PRKN: variants seen among roughly 807,000 people sequenced by gnomAD.
PRKN encodes parkin RBR E3 ubiquitin protein ligase.
Under a neutral mutation model 59.5 loss-of-function variants are expected in PRKN, and 56 were observed. The observed-to-expected ratio is 0.94, with a 90% CI of 0.76 to 1.18. The LOEUF is 1.18. PRKN is among the 50% of genes most tolerant of loss of function. The probability of loss-of-function intolerance (pLI) is 0.00; values close to 1 mark genes in which losing one functional copy is unlikely to be tolerated. For synonymous variants in PRKN, 250 were observed against 222.1 expected (o/e 1.13, Z -1.12); for missense variants, 657 against 596.4 (o/e 1.10, Z -1.06).
At chr6:161,833,163 GC>G (rs1792581978) in intron 6 of PRKN, among the ~76,000 whole-genome samples, 1 of 152,072 alleles carries the variant, frequency 6.6e-6, no homozygotes, top group Non-Finnish European at 1.5e-5. Context: ...CACTCTAAGA[GC>G]CCCCTTTTCT....
At chr6:161,443,193 C>T (rs1789325421) in intron 9 of PRKN, among the ~76,000 whole-genome samples, 1 of 151,834 alleles carries the variant, frequency 6.6e-6, no homozygotes, top group Non-Finnish European at 1.5e-5. Flanking sequence ...GCCTGTAATC[C>T]CAGCTACTTG....
chr6:161,430,705 C>T (rs985221724), intron 9 of PRKN, among the ~76,000 whole-genome samples: 2 of 148,868 alleles, frequency 1.3e-5, no homozygotes, highest in African/African-American at 2.5e-5. Flanking sequence ...GTCCCAGCTA[C>T]TCGGGAGGCT....
chr6:162,515,424 T>G (rs1239695279), intron 1 of PRKN, among the ~76,000 whole-genome samples: 1 of 138,456 alleles, frequency 7.2e-6, no homozygotes, highest in Admixed American at 7.1e-5. Context: ...GAATTCAAAT[T>G]ATATTAGTAA....
At chr6:161,772,413 C>T (rs1789733505) in intron 7 of PRKN, among the ~76,000 whole-genome samples, 1 of 152,152 alleles carries the variant, frequency 6.6e-6, no homozygotes, top group African/African-American at 2.4e-5. Flanking sequence ...GAGCGGCTCT[C>T]TGGCTGCTGT....
At chr6:162,649,374 T>C (rs1010042673) in intron 1 of PRKN, among the ~76,000 whole-genome samples, 1 of 152,090 alleles carries the variant, frequency 6.6e-6, no homozygotes, top group Non-Finnish European at 1.5e-5. Context: ...AAGGGTGAAA[T>C]AGGATACTGG....
intron 1 of PRKN, among the ~76,000 whole-genome samples, chr6:162,448,808 CTT>C (rs948553673): frequency 6.6e-6 from 1 of 151,636 alleles, no homozygotes. Flanking sequence ...TTCTCTTTCT[CTT>C]TCTTTCTCTT....
At chr6:161,714,813 C>T (rs767480461) in intron 7 of PRKN, among the ~76,000 whole-genome samples, 2 of 152,074 alleles carry the variant, frequency 1.3e-5, no homozygotes, top group East Asian at 1.9e-4. Flanking sequence ...AGGACAGAAC[C>T]GGTGAGAGAT....
intron 4 of PRKN, among the ~76,000 whole-genome samples, chr6:162,059,171 C>A (rs542056972): frequency 8.8e-4 from 134 of 152,212 alleles, no homozygotes; most frequent in African/African-American, 3.2e-3. Context: ...CCCGTAATTG[C>A]CACATCAGGT....
intron 1 of PRKN, among the ~76,000 whole-genome samples, chr6:162,650,051 G>A (rs1006551010): frequency 2.8e-4 from 43 of 152,082 alleles, no homozygotes; most frequent in African/African-American, 9.9e-4. Context: ...ACTCTCAAGC[G>A]GCCATTTATC....
intron 5 of PRKN, among the ~76,000 whole-genome samples, chr6:162,024,194 CTTTT>C (rs111595639): frequency 1.2e-5 from 1 of 82,060 alleles, no homozygotes; most frequent in African/African-American, 5.0e-5. Context: ...TCCCCCAACC[CTTTT>C]TTTTTTTTTT....
chr6:161,775,005 A>G (rs1789860948), intron 7 of PRKN, among the ~76,000 whole-genome samples: 1 of 152,104 alleles, frequency 6.6e-6, no homozygotes, highest in Non-Finnish European at 1.5e-5. Context: ...CCATTTTCAC[A>G]GTGGCAATTA....
At chr6:161,680,765 A>ATTTTTT (rs1562604015) in intron 7 of PRKN, among the ~76,000 whole-genome samples, 5 of 10,886 alleles carry the variant, frequency 4.6e-4, no homozygotes, top group African/African-American at 1.4e-3. Context: ...ATATATATAT[A>ATTTTTT]TATATATATA....
intron 4 of PRKN, among the ~76,000 whole-genome samples, chr6:162,157,419 A>G (rs2156266): frequency 0.014 from 2,197 of 151,924 alleles, 48 homozygotes; most frequent in African/African-American, 0.043. Context: ...TGTTCTGTTC[A>G]TGCCTCATTT....
At chr6:162,609,361 TC>T (rs1409643713) in intron 1 of PRKN, among the ~76,000 whole-genome samples, 7 of 152,156 alleles carry the variant, frequency 4.6e-5, no homozygotes, top group African/African-American at 1.7e-4. Flanking sequence ...GACATTTGAC[TC>T]AAAAATATTT....
chr6:161,512,440 C>T (rs62436448), intron 9 of PRKN, among the ~76,000 whole-genome samples: 3,284 of 152,162 alleles, frequency 0.022, 50 homozygotes, highest in Middle Eastern at 0.037. Context: ...TAAATTCATG[C>T]GGAGAAGTAT....
intron 1 of PRKN, among the ~76,000 whole-genome samples, chr6:162,673,594 C>T (rs1474385031): frequency 6.6e-6 from 1 of 152,156 alleles, no homozygotes; most frequent in Non-Finnish European, 1.5e-5. Context: ...CCATGTTGCC[C>T]AGGCTGATCT....
At chr6:161,537,474 T>C (rs1335769030) in intron 9 of PRKN, among the ~76,000 whole-genome samples, 1 of 151,570 alleles carries the variant, frequency 6.6e-6, no homozygotes, top group Non-Finnish European at 1.5e-5. Flanking sequence ...TTTTTTGAGA[T>C]GGATTCTTGC....
In PRKN at chr6:162,215,469, T is replaced by C. The variant is rs145737921; in HGVS notation, c.413-14217A>G. Among the ~76,000 whole-genome samples, 56 of 152,300 alleles carry C rather than the reference T, an allele frequency of 3.7e-4. No homozygotes were observed. In the East Asian group the frequency reaches 8.9e-3, roughly 24 times the overall value. ...TGCAATTTGATAATTATTTTTACAG[T>C]GTCAGGATTCTAAACTAAATGTTTC... On this transcript the variant is annotated intron_variant, in intron 3 of 11. Transcript: ENST00000366898.
At chr6:161,748,331 TGATCCCG>T (rs1788522237) in intron 7 of PRKN, among the ~76,000 whole-genome samples, 1 of 151,952 alleles carries the variant, frequency 6.6e-6, no homozygotes, top group Admixed American at 6.6e-5. Flanking sequence ...TCCTTTTTGC[TGATCCCG>T]AATCACTCTC....
Sources: gnomAD v4.1 joint callset for allele counts (sites outside exome capture counted in the v4.1 genomes callset) on GRCh38, gnomAD v4.1.1 for gene constraint, MANE v1.5 for transcripts, NCBI Gene and HGNC (gene_info 2026-07-23, HGNC 2026-07-21) for gene names.